Variants in ZMIZ1 observed in about 807,000 individuals in gnomAD.
The protein encoded by ZMIZ1 is zinc finger MIZ domain-containing protein 1.
In ZMIZ1, 17 loss-of-function variants were observed where a neutral mutation model predicts 113.9. The ratio of observed to expected loss-of-function variants is 0.15; its 90% CI spans 0.10 to 0.22. The LOEUF is 0.22. Among genes scored for constraint, ZMIZ1 ranks in the 10% least tolerant of loss-of-function variants. ZMIZ1 has a pLI of 1.00. For synonymous variants in ZMIZ1, 607 were observed against 603.1 expected, an observed-to-expected ratio of 1.01 and a Z score of -0.09; for missense variants, 1,059 against 1,477.8, an observed-to-expected ratio of 0.72 and a Z score of 4.65.
chr10:79,109,675 C>T (rs936852289), intron 1 of ZMIZ1, among the ~76,000 whole-genome samples: 22 of 152,218 alleles, frequency 1.4e-4, no homozygotes, highest in African/African-American at 5.3e-4. Context: ...GAGGACAGCC[C>T]CGGGTCGTGG....
intron 2 of ZMIZ1, among the ~76,000 whole-genome samples, chr10:79,129,321 A>G (rs775750886): frequency 2.6e-5 from 4 of 152,178 alleles, no homozygotes; most frequent in African/African-American, 9.7e-5. Context: ...TGGTTTTAGC[A>G]TGGAAAATTC....
At chr10:79,181,312 C>T (rs546996591) in intron 4 of ZMIZ1, among the ~76,000 whole-genome samples, 7 of 152,354 alleles carry the variant, frequency 4.6e-5, no homozygotes, top group East Asian at 3.9e-4. Flanking sequence ...TGCCTACAAA[C>T]GGGCTGCCTG....
chr10:79,165,473 G>A (rs1039889664), intron 4 of ZMIZ1, among the ~76,000 whole-genome samples: 9 of 152,270 alleles, frequency 5.9e-5, no homozygotes, highest in Admixed American at 4.6e-4. Flanking sequence ...GTGTAAGTGT[G>A]TGCGTAGTAG....
intron 7 of ZMIZ1, among the ~76,000 whole-genome samples, chr10:79,220,088 A>G (rs1269885069): frequency 6.6e-6 from 1 of 152,154 alleles, no homozygotes; most frequent in East Asian, 1.9e-4. Context: ...AGTCCCAGAC[A>G]TGGCACCGGC....
At position 79,186,377 on chromosome 10, in the gene ZMIZ1, C is replaced by T. The variant is rs373779867; in HGVS notation, c.-49-15207C>T. ...AACATGACCCACCGGGGTTTTTCAC[C>T]GGCCCCCACAGACTGGCGTGTCCCA... On this transcript the variant is annotated intron_variant, in intron 4 of 24. Transcript: ENST00000334512. Among the ~76,000 whole-genome samples, 13 of 152,224 alleles carry T rather than the reference C, an allele frequency of 8.5e-5. No homozygotes were observed. In the East Asian group the frequency reaches 9.6e-4, roughly 11 times the overall value.
At chr10:79,112,257 T>G (rs1045088180) in intron 1 of ZMIZ1, among the ~76,000 whole-genome samples, 6 of 152,040 alleles carry the variant, frequency 3.9e-5, no homozygotes, top group Non-Finnish European at 8.8e-5. Context: ...TCAGCAGACC[T>G]TCCTTGACAG....
At chr10:79,253,763 C>T (rs1189753879) in intron 7 of ZMIZ1, among the ~76,000 whole-genome samples, 1 of 152,192 alleles carries the variant, frequency 6.6e-6, no homozygotes, top group African/African-American at 2.4e-5. Flanking sequence ...TTGTGAGAGG[C>T]CCCTGAGCAA....
rs1253844071 is a variant in ZMIZ1, at chr10:79,300,337, G to A, written c.1809-395G>A. On this transcript the variant is annotated intron_variant, in intron 16 of 24. Transcript: ENST00000334512. Reference sequence around the variant, plus strand: ...AGAACCAGAAATGGCCGTGGCCTGGGAGGACAGCTCCCAGCAGGTCTAGAG... The same window carrying A: ...AGAACCAGAAATGGCCGTGGCCTGGAAGGACAGCTCCCAGCAGGTCTAGAG... Among the ~76,000 whole-genome samples the A allele has an allele frequency of 2.0e-5, 3 of 152,224 alleles. 1 individual carries two copies. Among genetic ancestry groups the A allele is most frequent in the Non-Finnish European group, 4.4e-5 (3 of 68,026 alleles).
intron 6 of ZMIZ1, among the ~76,000 whole-genome samples, chr10:79,212,568 A>G (rs940997710): frequency 4.6e-5 from 7 of 152,148 alleles, no homozygotes; most frequent in Non-Finnish European, 7.4e-5. Flanking sequence ...CCTAGCCAAC[A>G]TGGTGAAACC....
chr10:79,153,395 C>T (rs889059459), intron 3 of ZMIZ1, among the ~76,000 whole-genome samples: 1 of 152,260 alleles, frequency 6.6e-6, no homozygotes, highest in African/African-American at 2.4e-5. Context: ...ATGGGAGGCA[C>T]TTGCCTAGGT....
intron 5 of ZMIZ1, among the ~76,000 whole-genome samples, chr10:79,208,135 G>C (rs1388062306): frequency 8.7e-6 from 1 of 115,116 alleles, no homozygotes; most frequent in Non-Finnish European, 1.8e-5. Context: ...AGGTGGGGGT[G>C]GGGGGGGGTG....
At chr10:79,143,801 G>T (rs1845370689) in intron 3 of ZMIZ1, among the ~76,000 whole-genome samples, 1 of 152,044 alleles carries the variant, frequency 6.6e-6, no homozygotes, top group Admixed American at 6.5e-5. Flanking sequence ...GGGGGTGGGG[G>T]TGGAGAGAAG....
chr10:79,084,106 C>T lies in ZMIZ1; in HGVS notation c.-337+14836C>T, dbSNP rs370381080. Among the ~76,000 whole-genome samples the T allele has an allele frequency of 7.4e-4, 113 of 152,314 alleles. 1 individual carries two copies. Among genetic ancestry groups the T allele is most frequent in the Middle Eastern group, 6.8e-3 (2 of 294 alleles). ...ATGTTAGTCATCCTCTATCCCGAGG[C>T]CTTTGCATATGCTAAGTCCTCCACC... On this transcript the variant is annotated intron_variant, in intron 1 of 24. Coordinates refer to ENST00000334512, the MANE Select transcript of ZMIZ1 (RefSeq NM_020338.4).
At position 79,262,984 on chromosome 10, in the gene ZMIZ1, A is replaced by G. The variant is rs911160133; in HGVS notation, c.281-14197A>G. Among the ~76,000 whole-genome samples, 5 of 152,386 alleles carry G rather than the reference A, an allele frequency of 3.3e-5. No individual in the cohort carries two copies. The South Asian group carries it at 8.3e-4, about 25-fold the overall frequency. Reference sequence around the variant, plus strand: ...GGAAGTCAAGACGTAGAAACATGAAATGTGCCAGCCGTCAGCTGCTTCTGC... The same window carrying G: ...GGAAGTCAAGACGTAGAAACATGAAGTGTGCCAGCCGTCAGCTGCTTCTGC... On this transcript the variant is annotated intron_variant, in intron 7 of 24. Coordinates refer to ENST00000334512, the MANE Select transcript of ZMIZ1 (RefSeq NM_020338.4).
intron 7 of ZMIZ1, among the ~76,000 whole-genome samples, chr10:79,253,146 C>G (rs1291641364): frequency 6.6e-6 from 1 of 152,134 alleles, no homozygotes; most frequent in Non-Finnish European, 1.5e-5. Flanking sequence ...GAGCCTGTTG[C>G]AGAGATTATG....
intron 5 of ZMIZ1, among the ~76,000 whole-genome samples, chr10:79,204,290 G>A (rs1848221778): frequency 6.6e-6 from 1 of 152,096 alleles, no homozygotes; most frequent in Non-Finnish European, 1.5e-5. Context: ...TGCTGCCCAT[G>A]TCCCCTCACA....
At chr10:79,309,365 G>C (rs1266643712) in intron 23 of ZMIZ1, among the ~76,000 whole-genome samples, 1 of 152,230 alleles carries the variant, frequency 6.6e-6, no homozygotes, top group African/African-American at 2.4e-5. Context: ...GGAGTGTGGA[G>C]CCCCTCCCTG....
At position 79,201,570 on chromosome 10, in the gene ZMIZ1, C is replaced by T; in HGVS notation, c.-49-14C>T. The T allele has an allele frequency of 2.5e-6, 4 of 1,594,982 alleles. No homozygotes were observed. Among genetic ancestry groups the T allele is most frequent in the Non-Finnish European group, 2.6e-6 (3 of 1,166,842 alleles). On this transcript the variant is annotated splice_polypyrimidine_tract_variant and intron_variant, in intron 4 of 24. Coordinates refer to ENST00000334512, the MANE Select transcript of ZMIZ1 (RefSeq NM_020338.4). ...TGGCGTGATCCAGTGACAACCTCTC[C>T]TTTCTCTTCGCAGGCTGGACAACGT...
intron 1 of ZMIZ1, among the ~76,000 whole-genome samples, chr10:79,088,820 C>T (rs1471892704): frequency 6.6e-6 from 1 of 152,164 alleles, no homozygotes; most frequent in Non-Finnish European, 1.5e-5. Context: ...GTCCTTGCTC[C>T]CCCAGGCAAA....
Sources: gnomAD v4.1 joint callset for allele counts (sites outside exome capture counted in the v4.1 genomes callset) on GRCh38, gnomAD v4.1.1 for gene constraint, MANE v1.5 for transcripts, NCBI Gene and HGNC (gene_info 2026-07-23, HGNC 2026-07-21) for gene names.